The following ATP9B variants were observed in gnomAD, a reference collection of about 807,000 sequenced individuals.
ATP9B encodes the protein ATPase phospholipid transporting 9B.
ATP9B carries 110 observed loss-of-function variants against 146.1 expected under a neutral mutation model. The ratio of observed to expected loss-of-function variants is 0.75; its 90% confidence interval spans 0.65 to 0.88. The LOEUF is 0.88. Among genes scored for constraint, ATP9B ranks in the 40% least tolerant of loss-of-function variants. ATP9B has a pLI of 0.00. For synonymous variants in ATP9B, 604 were observed against 569.7 expected (o/e 1.06, Z -0.86); for missense variants, 1,499 against 1,496.4 (o/e 1.00, Z -0.03).
At chr18:79,143,933 T>G (rs2094545780) in intron 6 of ATP9B, 73 bp downstream of exon 6, 3 of 904,012 alleles carry the variant, frequency 3.3e-6, no homozygotes, top group South Asian at 4.3e-5. Context: ...ATAAGTAACT[T>G]CTGAATTTGA....
chr18:79,302,372 C>T (rs563327281), intron 13 of ATP9B, among the ~76,000 whole-genome samples: 1 of 147,372 alleles, frequency 6.8e-6, no homozygotes, highest in Non-Finnish European at 1.5e-5. Context: ...ACGCGTGGCA[C>T]CACGTTGTGA....
rs369627795 is a variant in ATP9B, at chr18:79,347,441, A to G, written c.2683-329A>G. Reference sequence around the variant, plus strand: ...TCAGATCATAGGGGTGTCTTCCGACAGGGCGGGCCCACACTCAGATCACAA... The same window carrying G: ...TCAGATCATAGGGGTGTCTTCCGACGGGGCGGGCCCACACTCAGATCACAA... On this transcript the variant is annotated intron_variant, in intron 23 of 29. Coordinates refer to ENST00000426216, the MANE Select transcript of ATP9B (RefSeq NM_198531.5). 7.9e-5 allele frequency among the ~76,000 whole-genome samples: 12 copies of G among 152,036 alleles called. No homozygotes were observed. The East Asian group carries it at 1.9e-3, about 24-fold the overall frequency.
chr18:79,359,510 T>C (rs925267979), intron 26 of ATP9B, 48 bp downstream of exon 26: 1 of 1,420,196 alleles, frequency 7.0e-7, no homozygotes, highest in Admixed American at 1.7e-5. Flanking sequence ...CACCCACATC[T>C]AGCATTTTAC....
At chr18:79,091,145 C>CT (rs1313975350) in intron 1 of ATP9B, among the ~76,000 whole-genome samples, 8 of 152,134 alleles carry the variant, frequency 5.3e-5, no homozygotes. Context: ...GTCTATGTGT[C>CT]TGTTTTTATG....
intron 13 of ATP9B, among the ~76,000 whole-genome samples, chr18:79,296,522 C>G (rs1174474023): frequency 6.6e-6 from 1 of 152,092 alleles, no homozygotes; most frequent in African/African-American, 2.4e-5. Flanking sequence ...AAATAAATCT[C>G]AAGTATTTTT....
At position 79,262,217 on chromosome 18, in the gene ATP9B, A is replaced by G. The variant is rs573363314; in HGVS notation, c.1268+8676A>G. 2.0e-5 allele frequency among the ~76,000 whole-genome samples: 3 copies of G among 151,886 alleles called. No homozygotes were observed. The South Asian group carries it at 6.3e-4, about 32-fold the overall frequency. ...CTCTCCCCACAACCTAGCCCTCAAC[A>G]AAAGCCAAAAACCATTCCCTAAACA... On this transcript the variant is annotated intron_variant, in intron 12 of 29. Coordinates refer to ENST00000426216, the MANE Select transcript of ATP9B (RefSeq NM_198531.5).
intron 15 of ATP9B, among the ~76,000 whole-genome samples, chr18:79,314,506 G>A (rs2096668969): frequency 6.6e-6 from 1 of 152,124 alleles, no homozygotes; most frequent in African/African-American, 2.4e-5. Context: ...TTAAACACTT[G>A]AAGTGTGATG....
intron 2 of ATP9B, among the ~76,000 whole-genome samples, chr18:79,106,235 A>G (rs1206566336): frequency 4.6e-5 from 7 of 152,232 alleles, no homozygotes; most frequent in Admixed American, 3.9e-4. Context: ...TAGAAATGCT[A>G]TTGAGTAAAG....
chr18:79,280,412 C>A (rs2096364083), intron 13 of ATP9B, among the ~76,000 whole-genome samples: 1 of 151,574 alleles, frequency 6.6e-6, no homozygotes, highest in African/African-American at 2.4e-5. Context: ...CAAAATAAAC[C>A]TTAAAATGAA....
intron 4 of ATP9B, among the ~76,000 whole-genome samples, chr18:79,120,113 C>T (rs1225526407): frequency 6.6e-6 from 1 of 152,172 alleles, no homozygotes; most frequent in South Asian, 2.1e-4. Context: ...CCCTTGAGTT[C>T]TTGCATTTTC....
intron 4 of ATP9B, among the ~76,000 whole-genome samples, chr18:79,119,688 T>C (rs617931): frequency 0.13 from 20,050 of 152,192 alleles, 1,918 homozygotes; most frequent in African/African-American, 0.27. Context: ...TATTGTTCGA[T>C]CTGAGAATTG....
rs1275458712 is a variant in ATP9B at position 79,119,069 on chromosome 18, T to TCAAAAAAA, written c.558+5715_558+5716insCAAAAAAA. Among the ~76,000 whole-genome samples the TCAAAAAAA allele has an allele frequency of 6.1e-5, 9 of 148,306 alleles. No homozygotes were observed. In the South Asian group the frequency reaches 6.4e-4, roughly 11 times the overall value. The stretch of plus-strand genomic sequence containing the variant: ...CTGGGTAACAGAGCGAGACCGTGTC[T>TCAAAAAAA]TAAAAAAAAAAAAAAAAAAATTGCC... On this transcript the variant is annotated intron_variant, in intron 4 of 29. Transcript: ENST00000426216.
At chr18:79,376,717 A>T (rs1260790760) in intron 29 of ATP9B, among the ~76,000 whole-genome samples, 9 of 114,640 alleles carry the variant, frequency 7.9e-5, no homozygotes, top group Admixed American at 3.9e-4. Flanking sequence ...TTTTTTTGAG[A>T]TGGAGTCTCA....
chr18:79,143,995 T>C, intron 6 of ATP9B, 135 bp downstream of exon 6: 1 of 520,526 alleles, frequency 1.9e-6, no homozygotes, highest in Non-Finnish European at 3.3e-6. Flanking sequence ...TAAGATTTGT[T>C]GTATGTGAAG....
chr18:79,376,629 A>T (rs1414181977), intron 29 of ATP9B, among the ~76,000 whole-genome samples: 1 of 151,556 alleles, frequency 6.6e-6, no homozygotes, highest in Admixed American at 6.6e-5. Flanking sequence ...ACCTCAGGTG[A>T]TCCACCCACC....
At chr18:79,344,392 G>C (rs374483287) in intron 21 of ATP9B, 38 bp downstream of exon 21, 6 of 1,584,520 alleles carry the variant, frequency 3.8e-6, no homozygotes, top group African/African-American at 2.8e-5. Context: ...GTCTGTCTGT[G>C]TCTCTGAGGC....
At chr18:79,344,570 T>C (rs1243823195) in intron 21 of ATP9B, among the ~76,000 whole-genome samples, 1 of 152,248 alleles carries the variant, frequency 6.6e-6, no homozygotes, top group East Asian at 1.9e-4. Flanking sequence ...TTGAGTCAAG[T>C]GCTTTTGCCC....
chr18:79,345,429 T>C lies in ATP9B; in HGVS notation c.2474T>C (p.Val825Ala), dbSNP rs1202061345. ...ALVISGDSLE[V>A]CLKYYEHEFV... ...AATAACACAGGCTTTGTTTTCCAGG[T>C]TTGTCTAAAGTACTACGAGCATGAA... Residue 825 changes from valine (V) to alanine (A), a missense_variant and splice_region_variant, in exon 22 of 30, where the codon GTT (valine) becomes GCT (alanine). Physicochemically the swap from Val to Ala is moderately conservative, Grantham distance 64. Transcript: ENST00000426216. 1 of 1,613,410 alleles carries C rather than the reference T, an allele frequency of 6.2e-7. No homozygotes were observed.
intron 12 of ATP9B, among the ~76,000 whole-genome samples, chr18:79,270,494 A>G (rs1239247316): frequency 6.7e-6 from 1 of 150,326 alleles, no homozygotes; most frequent in African/African-American, 2.5e-5. Flanking sequence ...GAACCAAACA[A>G]TAACGTGTGA....
Sources: allele counts gnomAD v4.1 joint callset (sites outside exome capture counted in the v4.1 genomes callset), GRCh38; gene constraint gnomAD v4.1.1; transcripts MANE v1.5; gene names NCBI Gene and HGNC (gene_info 2026-07-23, HGNC 2026-07-21).